NTNG1: variants seen among roughly 807,000 people sequenced by gnomAD.
NTNG1 encodes netrin G1.
In NTNG1, 16 loss-of-function variants were observed where a neutral mutation model predicts 54.0. The observed-to-expected ratio is 0.30, with a 90% CI of 0.20 to 0.45. NTNG1 has a LOEUF of 0.45. Ranked by LOEUF, NTNG1 falls within the 20% of genes least tolerant of loss-of-function variation. The pLI, the probability that NTNG1 is intolerant of heterozygous loss-of-function variation, is 1.00. For missense variants in NTNG1, 530 were observed against 678.7 expected (o/e 0.78, Z 2.43); for synonymous variants, 255 against 263.1 (o/e 0.97, Z 0.30).
Position 107,361,391 on chromosome 1 carries a change from A to ATATTTTT in NTNG1, c.888-33762_888-33761insATTTTTT, listed in dbSNP as rs370815306. ...TATATATACATATATATATATATAT[A>ATATTTTT]TTTTTTTTTTTTTTTGAGACACAGT... On this transcript the variant is annotated intron_variant, in intron 3 of 7. Coordinates refer to ENST00000370068, the MANE Select transcript of NTNG1 (RefSeq NM_001113226.3). Among the ~76,000 whole-genome samples, 107 of 87,970 alleles carry ATATTTTT rather than the reference A, an allele frequency of 1.2e-3. 2 individuals are homozygous for ATATTTTT. In the East Asian group the frequency reaches 0.026, roughly 22 times the overall value. The allele number at this position is 87,970 out of a possible 152,430, so 57.7% of individuals were successfully genotyped here.
intron 3 of NTNG1, among the ~76,000 whole-genome samples, chr1:107,354,023 C>G (rs1307395772): frequency 6.6e-6 from 1 of 152,174 alleles, no homozygotes; most frequent in Non-Finnish European, 1.5e-5. Flanking sequence ...CACAAGGCAC[C>G]ACCTCCAACA....
chr1:107,222,049 G>C (rs1309015530), intron 2 of NTNG1, among the ~76,000 whole-genome samples: 4 of 150,992 alleles, frequency 2.6e-5, no homozygotes, highest in Non-Finnish European at 4.4e-5. Context: ...CTTCATACGT[G>C]TTGTTGTGTC....
At chr1:107,457,866 A>T (rs1677048755) in intron 7 of NTNG1, among the ~76,000 whole-genome samples, 1 of 152,090 alleles carries the variant, frequency 6.6e-6, no homozygotes, top group Non-Finnish European at 1.5e-5. Context: ...TTTTTGTGTT[A>T]TGAGTACTGT....
chr1:107,441,138 A>G (rs1675938665), intron 7 of NTNG1, among the ~76,000 whole-genome samples: 1 of 152,176 alleles, frequency 6.6e-6, no homozygotes, highest in Non-Finnish European at 1.5e-5. Flanking sequence ...GCAGCATTCC[A>G]TGCTTTATAT....
intron 2 of NTNG1, among the ~76,000 whole-genome samples, chr1:107,196,439 G>A (rs897810551): frequency 1.3e-5 from 2 of 152,114 alleles, no homozygotes; most frequent in African/African-American, 4.8e-5. Flanking sequence ...TCAGTAAGTC[G>A]TAACTGTTAA....
chr1:107,462,489 G>A (rs1055354458), intron 7 of NTNG1, among the ~76,000 whole-genome samples: 7 of 152,194 alleles, frequency 4.6e-5, no homozygotes, highest in Non-Finnish European at 1.0e-4. Flanking sequence ...AAAAATGCCT[G>A]ATAGGAGACC....
At chr1:107,203,274 G>A (rs1658900079) in intron 2 of NTNG1, among the ~76,000 whole-genome samples, 1 of 150,948 alleles carries the variant, frequency 6.6e-6, no homozygotes, top group Admixed American at 6.6e-5. Context: ...TTTTCATCAA[G>A]GGTCTGTGAG....
At chr1:107,421,189 T>C in intron 5 of NTNG1, 1 of 1,290,408 alleles carries the variant, frequency 7.7e-7, no homozygotes, top group Non-Finnish European at 1.1e-6. Flanking sequence ...TGTTATGTGT[T>C]GTGAAACATT....
chr1:107,215,581 G>GTT lies in NTNG1; in HGVS notation c.246+66749_246+66750dup, dbSNP rs112071033. Among the ~76,000 whole-genome samples the GTT allele has an allele frequency of 2.2e-3, 333 of 151,688 alleles. 1 individual carries two copies. The highest frequency in any genetic ancestry group is 0.011 in the East Asian group (58 of 5,166). The stretch of plus-strand genomic sequence containing the variant: ...CAGGTAATGTAATGCCTCCAGATTT[G>GTT]TTTTTTTTGCTTAGTCTCGCTTTGG... On this transcript the variant is annotated intron_variant, in intron 2 of 7. Transcript: ENST00000370068.
chr1:107,308,985 A>G (rs1408409854), intron 2 of NTNG1, among the ~76,000 whole-genome samples: 2 of 148,022 alleles, frequency 1.4e-5, no homozygotes, highest in African/African-American at 2.4e-5. Context: ...CAGACATTAC[A>G]CGTTGATGTA....
intron 2 of NTNG1, among the ~76,000 whole-genome samples, chr1:107,243,407 G>A (rs182274165): frequency 2.6e-4 from 39 of 152,316 alleles, no homozygotes; most frequent in Admixed American, 1.4e-3. Flanking sequence ...CGGCTTAAAA[G>A]ATCAGATCCA....
rs189421763 is a variant in NTNG1 at position 107,399,358 on chromosome 1, C to T, written c.1060+4032C>T. Among the ~76,000 whole-genome samples the T allele has an allele frequency of 1.5e-3, 226 of 152,256 alleles. 2 individuals carry two copies. The highest frequency in any genetic ancestry group is 5.1e-3 in the African/African-American group (214 of 41,570). On this transcript the variant is annotated intron_variant, in intron 4 of 7. Coordinates refer to ENST00000370068, the MANE Select transcript of NTNG1 (RefSeq NM_001113226.3). ...GCTGTATTCAATCTTTTCCTTTTCT[C>T]TTACCCACATGGTCTAATTGTCTTC...
At chr1:107,266,708 T>C (rs1050423771) in intron 2 of NTNG1, among the ~76,000 whole-genome samples, 2 of 151,430 alleles carry the variant, frequency 1.3e-5, no homozygotes, top group East Asian at 1.9e-4. Context: ...TTCCTATTCA[T>C]AGGAAGAGGA....
chr1:107,352,032 G>T (rs1417198866), intron 3 of NTNG1, among the ~76,000 whole-genome samples: 1 of 152,236 alleles, frequency 6.6e-6, no homozygotes, highest in African/African-American at 2.4e-5. Flanking sequence ...GTGGTGCAAG[G>T]GGTGGGCTCC....
chr1:107,480,628 G>T lies in NTNG1; in HGVS notation c.1408G>T (p.Glu470Ter). 1 of 1,271,404 alleles carries T rather than the reference G, an allele frequency of 7.9e-7. No homozygotes were observed. Among genetic ancestry groups the T allele is most frequent in the South Asian group, 1.2e-5 (1 of 80,998 alleles). The allele number at this position is 1,271,404 out of a possible 1,614,324, so 78.8% of individuals were successfully genotyped here. ...TTCTGCAGCGAATGTCTGCGACAAC[G>T]AGCTCCTGCACTGCCAGAACGGAGG... ...YGCQPNVCDN[E>*]LLHCQNGGTC... Residue 470 changes from glutamate to a stop codon, truncating the protein, a stop_gained, in exon 8 of 8, where the codon GAG becomes TAG. Transcript: ENST00000370068. LOFTEE classifies it high-confidence loss of function.
chr1:107,148,749 G>A lies in NTNG1; in HGVS notation c.156G>A (p.Pro52=), dbSNP rs774773683. 1.9e-5 allele frequency: 31 copies of A among 1,613,566 alleles called. No homozygotes were observed. Among genetic ancestry groups the A allele is most frequent in the African/African-American group, 5.3e-5 (4 of 74,872 alleles). The change falls in exon 2 of 8, where the codon CCG becomes CCA. Residue 52 remains proline (P), a synonymous_variant. Coordinates refer to ENST00000370068, the MANE Select transcript of NTNG1 (RefSeq NM_001113226.3). ...GKVWDYMACQ[P]ESTDMTKYLK... ...TTTGGGATTACATGGCCTGCCAGCC[G>A]GAATCCACGGACATGACAAAATATC... is the stretch of plus-strand genomic sequence containing the variant.
chr1:107,407,734 A>T (rs752266597), intron 5 of NTNG1, 26 bp downstream of exon 5: 2 of 1,594,862 alleles, frequency 1.3e-6, no homozygotes, highest in South Asian at 1.1e-5. Context: ...AACAAAAAAA[A>T]CACCAAACCA....
Position 107,482,888 on chromosome 1 carries a change from C to G in NTNG1, c.*2048C>G, listed in dbSNP as rs1056646444. The G allele has an allele frequency of 6.6e-6, 1 of 152,298 alleles. No homozygotes were observed. The highest frequency in any genetic ancestry group is 2.1e-4 in the South Asian group (1 of 4,824). 9.4% of individuals were successfully genotyped at this position (152,298 alleles called of 1,614,324 possible). A position where few individuals can be genotyped will look rare whatever the true frequency, so the allele number is the denominator to read the frequency against. On this transcript the variant is annotated 3_prime_UTR_variant, in exon 8 of 8. Coordinates refer to ENST00000370068, the MANE Select transcript of NTNG1 (RefSeq NM_001113226.3). The stretch of plus-strand genomic sequence containing the variant: ...GCCTGTGCTGCCTGCCACCCCACGT[C>G]TAAGTCTATTGAATGTTTGTTATTC...
intron 2 of NTNG1, among the ~76,000 whole-genome samples, chr1:107,287,633 G>T (rs1211908716): frequency 6.6e-6 from 1 of 152,096 alleles, no homozygotes; most frequent in Non-Finnish European, 1.5e-5. Context: ...TAGGGGAAAA[G>T]GTTGAAGATG....
Sources: allele counts gnomAD v4.1 joint callset (sites outside exome capture counted in the v4.1 genomes callset), GRCh38; gene constraint gnomAD v4.1.1; transcripts MANE v1.5; gene names NCBI Gene and HGNC (gene_info 2026-07-23, HGNC 2026-07-21).